Variants in GRTP1 observed in about 807,000 individuals in gnomAD.
GRTP1 encodes the protein growth hormone-regulated TBC protein 1.
Under a neutral mutation model 38.1 loss-of-function variants are expected in GRTP1, and 56 were observed. That is an observed-to-expected ratio of 1.47 (90% confidence interval 1.19 to 1.84). The LOEUF is 1.84. Among genes scored for constraint, GRTP1 ranks in the 40% most tolerant of loss-of-function variants. GRTP1 has a pLI of 0.00. For synonymous variants in GRTP1, 217 were observed against 189.5 expected (o/e 1.14, Z -1.19); for missense variants, 506 against 453.9 (o/e 1.11, Z -1.04).
chr13:113,353,304 C>A (rs1257135649), intron 3 of GRTP1, among the ~76,000 whole-genome samples: 1 of 152,270 alleles, frequency 6.6e-6, no homozygotes. Context: ...GCAGAATCCA[C>A]ATACCCAGGC....
chr13:113,352,358 T>TA (rs1566438036), intron 3 of GRTP1, among the ~76,000 whole-genome samples: 12 of 19,040 alleles, frequency 6.3e-4, no homozygotes, highest in Non-Finnish European at 1.0e-3. Flanking sequence ...TTTATATATA[T>TA]TTTATATATA....
rs370963142 is a variant in GRTP1, at chr13:113,326,015, C to A, written c.639G>T (p.Pro213=). The A allele has an allele frequency of 6.2e-6, 10 of 1,613,598 alleles. No homozygotes were observed. The highest frequency in any genetic ancestry group is 8.5e-6 in the Non-Finnish European group (10 of 1,179,966). The change falls in exon 6 of 8, where the codon CCG becomes CCT. Residue 213 remains proline (P), a synonymous_variant. Coordinates refer to ENST00000375431, the MANE Select transcript of GRTP1 (RefSeq NM_024719.4). The part of the protein sequence containing the change: ...VLGELVRAKL[P]AVGALMERLG... ...GACGCTCCATCAGGGCCCCCACAGC[C>A]GGCAGCTTCGCCCGCACCAGCTCCC...
chr13:113,355,152 C>T (rs2043359270), intron 3 of GRTP1, 171 bp downstream of exon 3: 2 of 643,924 alleles, frequency 3.1e-6, no homozygotes, highest in South Asian at 4.4e-5. Flanking sequence ...GATCATTGTT[C>T]TCCCCTTGCA....
Position 113,326,013 on chromosome 13 carries a change from G to T in GRTP1, c.641C>A (p.Ala214Asp). ...GAGACGCTCCATCAGGGCCCCCACA[G>T]CCGGCAGCTTCGCCCGCACCAGCTC... Reference protein sequence around the residue: ...LGELVRAKLPAVGALMERLGV... With the variant: ...LGELVRAKLPDVGALMERLGV... Residue 214 changes from alanine to aspartate, a missense_variant, in exon 6 of 8, where the codon GCT (alanine) becomes GAT (aspartate). Transcript: ENST00000375431. 1 of 1,613,626 alleles carries T rather than the reference G, an allele frequency of 6.2e-7. No individual in the cohort carries two copies.
Position 113,339,486 on chromosome 13 carries a change from A to G in GRTP1, c.562+5377T>C, listed in dbSNP as rs530482238. ...GAGTTTCAAAGTTTTACTTTTTTAC[A>G]TGAGTCTTAAATCCATCTGGAAATG... is the stretch of plus-strand genomic sequence containing the variant. On this transcript the variant is annotated intron_variant, in intron 5 of 7. Coordinates refer to ENST00000375431, the MANE Select transcript of GRTP1 (RefSeq NM_024719.4). 7.2e-5 allele frequency: 11 copies of G among 152,316 alleles called. No individual in the cohort carries two copies. The South Asian group carries it at 1.0e-3, about 14-fold the overall frequency. The allele number at this position is 152,316 out of a possible 1,614,324, so 9.4% of individuals were successfully genotyped here. A position where few individuals can be genotyped will look rare whatever the true frequency, so the allele number is the denominator to read the frequency against.
intron 5 of GRTP1, among the ~76,000 whole-genome samples, chr13:113,330,507 G>A: frequency 6.9e-6 from 1 of 144,574 alleles, no homozygotes; most frequent in Non-Finnish European, 1.5e-5. Flanking sequence ...TGTGTGCATG[G>A]GAGCCCAGGT....
chr13:113,334,585 T>A (rs1205179212), intron 5 of GRTP1, among the ~76,000 whole-genome samples: 1 of 151,842 alleles, frequency 6.6e-6, no homozygotes, highest in Admixed American at 6.6e-5. Flanking sequence ...ATCCTCAATT[T>A]GCTAGACAGA....
At chr13:113,334,980 G>A (rs911612419) in intron 5 of GRTP1, among the ~76,000 whole-genome samples, 8 of 151,792 alleles carry the variant, frequency 5.3e-5, no homozygotes, top group Admixed American at 2.0e-4. Context: ...CCGCCACCAC[G>A]CCCGGCTAAT....
chr13:113,331,333 G>A (rs2042868196), intron 5 of GRTP1, among the ~76,000 whole-genome samples: 1 of 152,208 alleles, frequency 6.6e-6, no homozygotes, highest in South Asian at 2.1e-4. Flanking sequence ...GGGGCTCAGG[G>A]GCGGCTGCTA....
rs1238641611 is a variant in GRTP1 at position 113,343,641 on chromosome 13, C to A, written c.562+1222G>T. ...TCTCCCGGCCTTCGGTGTCCTCACCCTGGAAATGGGGTGGGTGACTGTGTC... is the reference window on the plus strand; with the variant it reads ...TCTCCCGGCCTTCGGTGTCCTCACCATGGAAATGGGGTGGGTGACTGTGTC... On this transcript the variant is annotated intron_variant, in intron 5 of 7. Coordinates refer to ENST00000375431, the MANE Select transcript of GRTP1 (RefSeq NM_024719.4). The surrounding 1 kb of genome is among the most constrained non-coding windows in gnomAD (Gnocchi z 4.8). 3.9e-5 allele frequency among the ~76,000 whole-genome samples: 6 copies of A among 152,184 alleles called. No homozygotes were observed. The highest frequency in any genetic ancestry group is 1.3e-4 in the Admixed American group (2 of 15,280).
rs1181690452 is a variant in GRTP1 at position 113,325,922 on chromosome 13, CA to C, written c.731del (p.Val244GlyfsTer24). The C allele has an allele frequency of 2.5e-6, 4 of 1,614,036 alleles. No individual in the cohort carries two copies. Among genetic ancestry groups the C allele is most frequent in the Admixed American group, 1.7e-5 (1 of 60,028 alleles). ...FICLFVDILP[V>X]ETVLRIWDCL... ...AGGGCCCGAGTGAGGCGCTCACCTC[CA>C]CGGGCAAGATGTCCACAAACAGGCA... On this transcript the variant is annotated frameshift_variant, in exon 6 of 8. Coordinates refer to ENST00000375431, the MANE Select transcript of GRTP1 (RefSeq NM_024719.4). LOFTEE classifies it high-confidence loss of function.
intron 5 of GRTP1, among the ~76,000 whole-genome samples, chr13:113,331,705 G>A (rs2042873870): frequency 6.9e-6 from 1 of 144,858 alleles, no homozygotes; most frequent in African/African-American, 2.6e-5. Flanking sequence ...ACCCAGGCTG[G>A]AGTGCAGTGG....
intron 5 of GRTP1, among the ~76,000 whole-genome samples, chr13:113,341,739 T>C (rs1017833367): frequency 6.6e-6 from 1 of 152,242 alleles, no homozygotes; most frequent in African/African-American, 2.4e-5. Flanking sequence ...AATACATACA[T>C]CAGACTGATG....
rs2042759792 is a variant in GRTP1, at chr13:113,325,961, G to A, written c.693C>T (p.Ser231=). Residue 231 remains serine (S), a synonymous_variant, in exon 6 of 8, where the codon TCC becomes TCT. Coordinates refer to ENST00000375431, the MANE Select transcript of GRTP1 (RefSeq NM_024719.4). The part of the protein sequence containing the change: ...RLGVLWTLLV[S]RWFICLFVDI... ...CCACAAACAGGCAGATGAACCAGCG[G>A]GACACCAGCAGCGTCCACAGCACAC... 1.2e-6 allele frequency: 2 copies of A among 1,613,924 alleles called. No individual in the cohort carries two copies. Among genetic ancestry groups the A allele is most frequent in the South Asian group, 1.1e-5 (1 of 91,070 alleles).
At chr13:113,332,716 G>A (rs1034933937) in intron 5 of GRTP1, among the ~76,000 whole-genome samples, 2 of 152,250 alleles carry the variant, frequency 1.3e-5, no homozygotes, top group Non-Finnish European at 2.9e-5. Context: ...CACACATTAC[G>A]CCAGAGTTTC....
Position 113,363,750 on chromosome 13 carries a change from C to A in GRTP1, c.181+12G>T, listed in dbSNP as rs115609590. 6.9e-6 allele frequency: 11 copies of A among 1,604,086 alleles called. No individual in the cohort carries two copies. Among genetic ancestry groups the A allele is most frequent in the Non-Finnish European group, 9.4e-6 (11 of 1,176,144 alleles). On this transcript the variant is annotated intron_variant, in intron 2 of 7. Coordinates refer to ENST00000375431, the MANE Select transcript of GRTP1 (RefSeq NM_024719.4). ...TGCGCCCTCGGGACCCACCTGCGCC[C>A]CCGGGACCCACCTGTCCGGCTCCTG...
chr13:113,363,698 G>T, intron 2 of GRTP1, 64 bp downstream of exon 2: 3 of 1,400,296 alleles, frequency 2.1e-6, no homozygotes, highest in Non-Finnish European at 2.9e-6. Flanking sequence ...CCCGGACTTT[G>T]CCCGGCCCGT....
At chr13:113,326,736 G>A (rs1319947285) in intron 5 of GRTP1, among the ~76,000 whole-genome samples, 2 of 152,188 alleles carry the variant, frequency 1.3e-5, no homozygotes, top group Non-Finnish European at 2.9e-5. Flanking sequence ...AGGCACCCCC[G>A]TGTTCCTAGC....
chr13:113,356,141 GAATT>G (rs2043381230), intron 2 of GRTP1, among the ~76,000 whole-genome samples: 2 of 152,130 alleles, frequency 1.3e-5, no homozygotes, highest in Admixed American at 1.3e-4. Context: ...GCTAACATCT[GAATT>G]AATTATGTTA....
Sources: allele counts gnomAD v4.1 joint callset (sites outside exome capture counted in the v4.1 genomes callset), GRCh38; gene constraint gnomAD v4.1.1; non-coding constraint Gnocchi (gnomAD v3.1); transcripts MANE v1.5; gene names NCBI Gene and HGNC (gene_info 2026-07-23, HGNC 2026-07-21).